ADAMTS10: variants seen among roughly 807,000 people sequenced by gnomAD.
ADAMTS10 encodes the protein A disintegrin and metalloproteinase with thrombospondin motifs 10.
Under a neutral mutation model 135.9 loss-of-function variants are expected in ADAMTS10, and 48 were observed. The observed-to-expected ratio is 0.35, with a 90% CI of 0.28 to 0.45. The LOEUF is 0.45. Among genes scored for constraint, ADAMTS10 ranks in the 20% least tolerant of loss-of-function variants. The probability of loss-of-function intolerance (pLI) is 1.00; values close to 1 mark genes in which losing one functional copy is unlikely to be tolerated. For synonymous variants in ADAMTS10, 621 were observed against 647.5 expected (o/e 0.96, Z 0.62); for missense variants, 1,131 against 1,565.2 (o/e 0.72, Z 4.68).
In ADAMTS10 at chr19:8,589,288, G is replaced by T. The variant is rs782155472; in HGVS notation, c.2112C>A (p.Ala704=). 6.2e-7 allele frequency: 1 copy of T among 1,612,560 alleles called. No homozygotes were observed. Among genetic ancestry groups the T allele is most frequent in the Admixed American group, 1.7e-5 (1 of 60,024 alleles). The change falls in exon 18 of 26, where the codon GCC becomes GCA. Residue 704 remains alanine, a synonymous_variant. Transcript: ENST00000597188. ...TGAAGACGCCCTCGATGGTCTCGCA[G>T]GCACTGCCGTCACCGCCACACACTC... is the stretch of plus-strand genomic sequence containing the variant. ...KCRVCGGDGS[A]CETIEGVFSP...
Position 8,580,807 on chromosome 19 carries a change from G to GC in ADAMTS10, c.*85dup, listed in dbSNP as rs576948646. On this transcript the variant is annotated 3_prime_UTR_variant, in exon 26 of 26. Coordinates refer to ENST00000597188, the MANE Select transcript of ADAMTS10 (RefSeq NM_030957.4). The stretch of plus-strand genomic sequence containing the variant: ...GTCTCACCCTTCCCTCCCAGTTCCC[G>GC]CCCCCCCGGGGCCCCCTCTGGCCGG... 3,874 of 1,091,496 alleles carry GC rather than the reference G, an allele frequency of 3.5e-3. 12 individuals are homozygous for GC. Among genetic ancestry groups the GC allele is most frequent in the Non-Finnish European group, 4.5e-3 (3,400 of 748,812 alleles). 67.6% of individuals were successfully genotyped at this position (1,091,496 alleles called of 1,614,324 possible).
intron 1 of ADAMTS10, among the ~76,000 whole-genome samples, chr19:8,609,095 AT>A (rs2042752590): frequency 6.6e-6 from 1 of 151,086 alleles, no homozygotes; most frequent in South Asian, 2.1e-4. Context: ...GGCCAACAGG[AT>A]GTCAGTGAGG....
chr19:8,592,722 C>G (rs1568399334), intron 13 of ADAMTS10, 41 bp downstream of exon 13: 1 of 1,576,612 alleles, frequency 6.3e-7, no homozygotes. Context: ...GGAGGTGGCT[C>G]AGGGGGCGTG....
At chr19:8,606,717 C>G (rs1555742665) in intron 2 of ADAMTS10, among the ~76,000 whole-genome samples, 1 of 152,084 alleles carries the variant, frequency 6.6e-6, no homozygotes, top group Non-Finnish European at 1.5e-5. Context: ...GGTCACATTG[C>G]TAGAAAGTGG....
At chr19:8,585,699 AG>A (rs781925765) in intron 22 of ADAMTS10, 39 bp from the exon 23 acceptor site, 1 of 1,597,056 alleles carries the variant, frequency 6.3e-7, no homozygotes. Flanking sequence ...TAAGCAGGGC[AG>A]GGGGTCCCAA....
rs1555736475 is a variant in ADAMTS10, at chr19:8,585,021, G to A, written c.3076C>T (p.Arg1026Cys). Residue 1026 changes from arginine (R) to cysteine (C), a missense_variant, in exon 25 of 26, where the codon CGC (arginine) becomes TGC (cysteine). Arg to Cys is a radical substitution (Grantham distance 180). Around this residue, in one of 3 missense-constraint regions of ADAMTS10, gnomAD observed 745 missense variants for 1,056.3 expected, o/e 0.71. Transcript: ENST00000597188. ...GTGTGGCTGGTGCAGCGCACCGAGC[G>A]CTGCCGCTGCCCGACGCCGCACTGT... ...SAQCGVGQRQ[R>C]SVRCTSHTGQ... 6.5e-7 allele frequency: 1 copy of A among 1,535,546 alleles called. No individual in the cohort carries two copies. The highest frequency in any genetic ancestry group is 8.7e-7 in the Non-Finnish European group (1 of 1,143,826).
At chr19:8,607,810 C>G (rs1161204312) in intron 2 of ADAMTS10, among the ~76,000 whole-genome samples, 2 of 143,426 alleles carry the variant, frequency 1.4e-5, no homozygotes, top group Non-Finnish European at 3.2e-5. Flanking sequence ...TGTTCTCTCT[C>G]TCTCTCTCTC....
rs2042706545 is a variant in ADAMTS10, at chr19:8,605,168, G to A, written c.279C>T (p.Arg93=). ...PSTHFLLNLT[R]SSRLLAGHVS... ...CGTGCCCTGCCAGTAGACGGGAGCT[G>A]CGGGTCAGGTTCAGCAGGAAGTGGG... is the stretch of plus-strand genomic sequence containing the variant. The change falls in exon 4 of 26, where the codon CGC becomes CGT. Residue 93 remains arginine (R), a synonymous_variant. Coordinates refer to ENST00000597188, the MANE Select transcript of ADAMTS10 (RefSeq NM_030957.4). The surrounding 1 kb of genome is among the most constrained non-coding windows in gnomAD (Gnocchi z 7.7). 1 of 1,614,066 alleles carries A rather than the reference G, an allele frequency of 6.2e-7. No homozygotes were observed. Among genetic ancestry groups the A allele is most frequent in the Non-Finnish European group, 8.5e-7 (1 of 1,179,958 alleles).
rs1289473895 is a variant in ADAMTS10 at position 8,595,857 on chromosome 19, A to T, written c.1384T>A (p.Phe462Ile). The T allele has an allele frequency of 6.2e-7, 1 of 1,614,046 alleles. No homozygotes were observed. The highest frequency in any genetic ancestry group is 8.5e-7 in the Non-Finnish European group (1 of 1,180,028). ...CCCGGTGCCACTGTCGGGTACACAA[A>T]GTCCTGTCTGGGGGGCCGGTTGTTC... Reference protein sequence around the residue: ...CLNNRPPRQDFVYPTVAPGQA... With the variant: ...CLNNRPPRQDIVYPTVAPGQA... Residue 462 changes from phenylalanine (F) to isoleucine (I), a missense_variant, in exon 12 of 26, where the codon TTT becomes ATT. Physicochemically the swap from Phe to Ile is conservative, Grantham distance 21 (BLOSUM62 0). Transcript: ENST00000597188.
At position 8,600,961 on chromosome 19, in the gene ADAMTS10, A is replaced by C. The variant is rs2042663417; in HGVS notation, c.777T>G (p.Asp259Glu). 8 of 1,614,000 alleles carry C rather than the reference A, an allele frequency of 5.0e-6. No individual in the cohort carries two copies. Among genetic ancestry groups the C allele is most frequent in the Non-Finnish European group, 6.8e-6 (8 of 1,180,034 alleles). Residue 259 changes from aspartate to glutamate, a missense_variant, in exon 6 of 26, where the codon GAT (aspartate) becomes GAG (glutamate). Around this residue, in one of 3 missense-constraint regions of ADAMTS10, gnomAD observed 80 missense variants for 164.4 expected, o/e 0.49. Transcript: ENST00000597188. Reference protein sequence around the residue: ...KMMVAYHGRRDVEQYVLAIMN... With the variant: ...KMMVAYHGRREVEQYVLAIMN... ...TGATGGCCAGGACATACTGCTCCAC[A>C]TCCCGGCGCCCGTGATAGGCCACCA...
At position 8,601,288 on chromosome 19, in the gene ADAMTS10, T is replaced by A; in HGVS notation, c.593-143A>T. The stretch of plus-strand genomic sequence containing the variant: ...AATTTCTGGTCATTCTGCTGCCTTC[T>A]CTTGTTGTCCAGCTACCTGTGTGAT... On this transcript the variant is annotated intron_variant, in intron 5 of 25. Transcript: ENST00000597188. The surrounding 1 kb of genome is among the most constrained non-coding windows in gnomAD (Gnocchi z 4.6). 2 of 923,002 alleles carry A rather than the reference T, an allele frequency of 2.2e-6. No individual in the cohort carries two copies. Among genetic ancestry groups the A allele is most frequent in the Non-Finnish European group, 3.4e-6 (2 of 591,730 alleles). The allele number at this position is 923,002 out of a possible 1,614,324, so 57.2% of individuals were successfully genotyped here.
Position 8,601,030 on chromosome 19 carries a change from G to A in ADAMTS10, c.708C>T (p.Ser236=). 5.0e-6 allele frequency: 8 copies of A among 1,614,120 alleles called. No individual in the cohort carries two copies. Among genetic ancestry groups the A allele is most frequent in the Non-Finnish European group, 5.9e-6 (7 of 1,180,038 alleles). ...CCAGGGTCTCCACGTAGCGCTCTCG[G>A]CTGACCGATCGCTTCAGGCCTGGCT... is the stretch of plus-strand genomic sequence containing the variant. ...RGQPGLKRSV[S]RERYVETLVV... Residue 236 remains serine (S), a synonymous_variant, in exon 6 of 26, where the codon AGC becomes AGT. Transcript: ENST00000597188. The surrounding 1 kb of genome is among the most constrained non-coding windows in gnomAD (Gnocchi z 4.6).
In ADAMTS10 at chr19:8,586,567, G is replaced by A. The variant is rs782666415; in HGVS notation, c.2394C>T (p.Leu798=). The stretch of plus-strand genomic sequence containing the variant: ...CCAGTCTCCCTGTTACCATGACGAT[G>A]AGAGATGCATTAATCGGTCCCAGGG... ...LEALGPINAS[L]IVMVLARTEL... is the part of the protein sequence containing the mutation. Residue 798 remains leucine (L), a synonymous_variant, in exon 20 of 26, where the codon CTC becomes CTT. Transcript: ENST00000597188. The A allele has an allele frequency of 3.7e-5, 59 of 1,613,670 alleles. No individual in the cohort carries two copies. Among genetic ancestry groups the A allele is most frequent in the Non-Finnish European group, 4.5e-5 (53 of 1,180,022 alleles).
At chr19:8,600,904 G>C (rs1555741427) in intron 6 of ADAMTS10, 24 bp downstream of exon 6, 1 of 1,613,630 alleles carries the variant, frequency 6.2e-7, no homozygotes. Context: ...AGGGCTGCGT[G>C]CCCAGGGAGG....
At position 8,600,712 on chromosome 19, in the gene ADAMTS10, A is replaced by G. The variant is rs573863604; in HGVS notation, c.810+216T>C. Among the ~76,000 whole-genome samples the G allele has an allele frequency of 2.2e-4, 34 of 151,808 alleles. No individual in the cohort carries two copies. The South Asian group carries it at 2.9e-3, about 13-fold the overall frequency. On this transcript the variant is annotated intron_variant, in intron 6 of 25. Transcript: ENST00000597188. Reference sequence around the variant, plus strand: ...ATGGGGTTTCACCGTGTTAGCCAGGATGGTCTCCATCTCCTGACCTTGTGA... The same window carrying G: ...ATGGGGTTTCACCGTGTTAGCCAGGGTGGTCTCCATCTCCTGACCTTGTGA...
chr19:8,589,125 C>T (rs2042481090), intron 18 of ADAMTS10, 117 bp downstream of exon 18: 1 of 1,551,430 alleles, frequency 6.4e-7, no homozygotes, highest in Non-Finnish European at 8.7e-7. Flanking sequence ...TCCTGACACT[C>T]CACGGGGCCC....
At chr19:8,606,221 T>C (rs185490671) in intron 2 of ADAMTS10, among the ~76,000 whole-genome samples, 11 of 152,278 alleles carry the variant, frequency 7.2e-5, no homozygotes, top group Middle Eastern at 6.8e-3. Context: ...CCACCACACC[T>C]GGCTAATGTT....
chr19:8,585,725 G>A lies in ADAMTS10; in HGVS notation c.2661-65C>T, dbSNP rs1600094990. On this transcript the variant is annotated intron_variant, in intron 22 of 25. Transcript: ENST00000597188. ...GGGGGTCCCAACACAACAGCAGGGG[G>A]CACTATAGCCTACCCCCACCCTTCC... is the stretch of plus-strand genomic sequence containing the variant. 8 of 1,496,530 alleles carry A rather than the reference G, an allele frequency of 5.3e-6. No individual in the cohort carries two copies. In the East Asian group the frequency reaches 1.4e-4, roughly 26 times the overall value. 92.7% of individuals were successfully genotyped at this position (1,496,530 alleles called of 1,614,324 possible).
intron 18 of ADAMTS10, 41 bp downstream of exon 18, chr19:8,589,201 G>A: frequency 6.2e-7 from 1 of 1,610,904 alleles, no homozygotes; most frequent in Non-Finnish European, 8.5e-7. Flanking sequence ...CAGTCAGCTG[G>A]CCCATGCAGG....
Sources: gnomAD v4.1 joint callset for allele counts (sites outside exome capture counted in the v4.1 genomes callset) on GRCh38, gnomAD v4.1.1 for gene constraint, gnomAD v4.1.1 regional missense constraint, Gnocchi (gnomAD v3.1) non-coding constraint, MANE v1.5 for transcripts, NCBI Gene and HGNC (gene_info 2026-07-23, HGNC 2026-07-21) for gene names.